RARB: variants seen among roughly 807,000 people sequenced by gnomAD.
The protein encoded by RARB is retinoic acid receptor beta.
Under a neutral mutation model 51.9 loss-of-function variants are expected in RARB, and 17 were observed. That is an observed-to-expected ratio of 0.33 (90% CI 0.22 to 0.49). RARB has a LOEUF of 0.49. Among genes scored for constraint, RARB ranks in the 20% least tolerant of loss-of-function variants. The pLI, the probability that RARB is intolerant of heterozygous loss-of-function variation, is 0.99. For synonymous variants in RARB, 215 were observed against 195.4 expected, an observed-to-expected ratio of 1.10 and a Z score of -0.84; for missense variants, 369 against 550.8, an observed-to-expected ratio of 0.67 and a Z score of 3.30.
At chr3:24,970,112 G>A (rs1428515729) in intron 2 of RARB, among the ~76,000 whole-genome samples, 1 of 152,020 alleles carries the variant, frequency 6.6e-6, no homozygotes, top group Non-Finnish European at 1.5e-5. Flanking sequence ...AGGCCAAGTA[G>A]CCACAGACAA....
At chr3:25,244,965 C>T (rs1702522670) in intron 5 of RARB, among the ~76,000 whole-genome samples, 1 of 152,128 alleles carries the variant, frequency 6.6e-6, no homozygotes, top group African/African-American at 2.4e-5. Flanking sequence ...TCTCTAAGAA[C>T]TTGCTTTATG....
chr3:25,248,955 T>C (rs1347815151), intron 5 of RARB, among the ~76,000 whole-genome samples: 1 of 152,194 alleles, frequency 6.6e-6, no homozygotes, highest in Non-Finnish European at 1.5e-5. Flanking sequence ...CTTTGAGCTT[T>C]CTGTATCTTA....
chr3:25,472,963 C>T (rs1181089607), intron 2 of RARB, among the ~76,000 whole-genome samples: 1 of 152,172 alleles, frequency 6.6e-6, no homozygotes, highest in Non-Finnish European at 1.5e-5. Flanking sequence ...TGCCATAGCT[C>T]TGGAAACAGA....
At chr3:25,007,257 C>G (rs1007297641) in intron 2 of RARB, among the ~76,000 whole-genome samples, 3 of 152,170 alleles carry the variant, frequency 2.0e-5, no homozygotes, top group African/African-American at 7.2e-5. Flanking sequence ...TTGCCCAAGT[C>G]AGTGGACATC....
chr3:25,362,033 T>C (rs1290243181), intron 5 of RARB, among the ~76,000 whole-genome samples: 1 of 152,204 alleles, frequency 6.6e-6, no homozygotes, highest in Non-Finnish European at 1.5e-5. Flanking sequence ...CTGCTCTCTT[T>C]AGAGCCAGCA....
intron 5 of RARB, among the ~76,000 whole-genome samples, chr3:25,376,446 A>G (rs968091405): frequency 6.6e-6 from 1 of 152,212 alleles, no homozygotes; most frequent in Non-Finnish European, 1.5e-5. Context: ...TTATGGCCCC[A>G]GATACAACCT....
At chr3:25,519,044 C>T (rs1000953863) in intron 3 of RARB, among the ~76,000 whole-genome samples, 3 of 152,148 alleles carry the variant, frequency 2.0e-5, no homozygotes, top group African/African-American at 7.2e-5. Context: ...AGTGTATGCT[C>T]TTTTGTGTCT....
intron 5 of RARB, among the ~76,000 whole-genome samples, chr3:25,203,829 G>A (rs1049173444): frequency 2.5e-4 from 38 of 152,228 alleles, no homozygotes; most frequent in Admixed American, 2.2e-3. Flanking sequence ...TTCCCTTTGC[G>A]GGTAACCTGA....
chr3:25,408,541 T>C (rs188113596), intron 5 of RARB, among the ~76,000 whole-genome samples: 41 of 152,036 alleles, frequency 2.7e-4, no homozygotes, highest in African/African-American at 9.9e-4. Context: ...GGGACACAAA[T>C]CCAAACCATA....
chr3:25,059,633 G>A (rs1216322001), intron 2 of RARB, among the ~76,000 whole-genome samples: 5 of 151,766 alleles, frequency 3.3e-5, no homozygotes, highest in African/African-American at 1.2e-4. Flanking sequence ...GGAAATGGGA[G>A]CTTCTAGGAT....
chr3:25,086,561 G>A (rs925616612), intron 3 of RARB, among the ~76,000 whole-genome samples: 1 of 152,166 alleles, frequency 6.6e-6, no homozygotes, highest in Non-Finnish European at 1.5e-5. Flanking sequence ...AGCCCCAGGA[G>A]ATTCTGAGAA....
intron 5 of RARB, among the ~76,000 whole-genome samples, chr3:25,309,452 C>A (rs1575301456): frequency 2.9e-5 from 4 of 135,654 alleles, no homozygotes; most frequent in African/African-American, 1.1e-4. Flanking sequence ...TCTATTCTTA[C>A]AATGGAGTCT....
At chr3:24,958,764 G>A (rs1696077628) in intron 2 of RARB, among the ~76,000 whole-genome samples, 1 of 152,110 alleles carries the variant, frequency 6.6e-6, no homozygotes, top group South Asian at 2.1e-4. Context: ...TAAGTCTTTG[G>A]CCATGAAAAT....
intron 1 of RARB, among the ~76,000 whole-genome samples, chr3:25,431,857 G>A (rs1165159158): frequency 3.9e-5 from 6 of 152,018 alleles, no homozygotes. Flanking sequence ...CAAAGCCCTG[G>A]GACCCAAATT....
chr3:25,147,162 AT>A (rs1396760176), intron 4 of RARB, among the ~76,000 whole-genome samples: 1 of 152,122 alleles, frequency 6.6e-6, no homozygotes, highest in Non-Finnish European at 1.5e-5. Context: ...TTTTCTGAAA[AT>A]TTTGATTCAG....
rs1480153439 is a variant in RARB, at chr3:25,238,081, A to G, written c.178+63506A>G. Among the ~76,000 whole-genome samples the G allele has an allele frequency of 2.6e-5, 4 of 152,226 alleles. No individual in the cohort carries two copies. In the South Asian group the frequency reaches 6.2e-4, roughly 24 times the overall value. ...TTGCTGTTACCTTCTTCTGTCAAAC[A>G]TTAGAATTTATTCCTTCTATTTAAT... is the stretch of plus-strand genomic sequence containing the variant. On this transcript the variant is annotated intron_variant, in intron 5 of 11. Coordinates refer to the RARB transcript ENST00000383772.
rs989970166 is a variant in RARB, at chr3:25,412,358, A to C, written c.179-48835A>C. On this transcript the variant is annotated intron_variant, in intron 5 of 11. Coordinates refer to the RARB transcript ENST00000383772. Reference sequence around the variant, plus strand: ...TAACCAAGGGGGCCTAGTTATATAGATATTGGCATGCAGTTTCATCCAAAT... The same window carrying C: ...TAACCAAGGGGGCCTAGTTATATAGCTATTGGCATGCAGTTTCATCCAAAT... Among the ~76,000 whole-genome samples the C allele has an allele frequency of 2.0e-5, 3 of 152,160 alleles. No individual in the cohort carries two copies. In the East Asian group the frequency reaches 5.8e-4, roughly 29 times the overall value.
intron 2 of RARB, among the ~76,000 whole-genome samples, chr3:25,483,836 T>TGACAGGGAG (rs1285939391): frequency 3.9e-5 from 6 of 152,238 alleles, no homozygotes; most frequent in Non-Finnish European, 8.8e-5. Flanking sequence ...ATCATTAATG[T>TGACAGGGAG]GACAGGGAGT....
At chr3:25,441,302 A>G in intron 1 of RARB, 1 of 392,662 alleles carries the variant, frequency 2.5e-6, no homozygotes, top group Non-Finnish European at 4.9e-6. Context: ...GATCTGTTTT[A>G]AAGTCCTGAG....
Sources: allele counts gnomAD v4.1 joint callset (sites outside exome capture counted in the v4.1 genomes callset), GRCh38; gene constraint gnomAD v4.1.1; transcripts MANE v1.5; gene names NCBI Gene and HGNC (gene_info 2026-07-23, HGNC 2026-07-21).